The following PRDM16 variants were observed in gnomAD, a reference collection of about 807,000 sequenced individuals.
The protein encoded by PRDM16 is histone-lysine N-methyltransferase PRDM16.
PRDM16 carries 23 observed loss-of-function variants against 110.6 expected under a neutral mutation model. That is an observed-to-expected ratio of 0.21 (90% confidence interval 0.15 to 0.29). The LOEUF (loss-of-function observed/expected upper bound fraction) is 0.29, where lower values mean the gene tolerates loss of function less well. Ranked by LOEUF, PRDM16 falls within the 10% of genes least tolerant of loss-of-function variation. The pLI is 1.00. For missense variants in PRDM16, 1,615 were observed against 1,794.3 expected, an observed-to-expected ratio of 0.90 and a Z score of 1.81; for synonymous variants, 799 against 781.8, an observed-to-expected ratio of 1.02 and a Z score of -0.37.
At chr1:3,136,673 G>T (rs905482398) in intron 1 of PRDM16, among the ~76,000 whole-genome samples, 7 of 152,094 alleles carry the variant, frequency 4.6e-5, no homozygotes, top group African/African-American at 1.4e-4. Flanking sequence ...ACAGAGGAGT[G>T]GGCTTATCAG....
intron 1 of PRDM16, among the ~76,000 whole-genome samples, chr1:3,083,441 T>C (rs1642075798): frequency 6.6e-6 from 1 of 152,236 alleles, no homozygotes; most frequent in Non-Finnish European, 1.5e-5. Flanking sequence ...GAAGCTGTGC[T>C]GCGTTTATGG....
chr1:3,222,520 G>T (rs1041265355), intron 2 of PRDM16, among the ~76,000 whole-genome samples: 3 of 152,222 alleles, frequency 2.0e-5, no homozygotes, highest in Non-Finnish European at 4.4e-5. Context: ...TCAGGAGGTG[G>T]AACCTGCGGG....
chr1:3,406,715 C>G (rs1161813266), intron 8 of PRDM16, among the ~76,000 whole-genome samples: 2 of 152,110 alleles, frequency 1.3e-5, no homozygotes, highest in African/African-American at 4.8e-5. Flanking sequence ...TGCACTCCAG[C>G]CTGGGCAACA....
rs146627428 is a variant in PRDM16, at chr1:3,119,542, G to A, written c.37+50246G>A. 4.3e-3 allele frequency among the ~76,000 whole-genome samples: 659 copies of A among 152,280 alleles called. 2 individuals carry two copies. Among genetic ancestry groups the A allele is most frequent in the African/African-American group, 0.014 (590 of 41,556 alleles). ...GGGATGGGGACTTGGGTGCTGTCCC[G>A]TGCCTGGCATCCAGGGCAGGGGGTG... is the stretch of plus-strand genomic sequence containing the variant. On this transcript the variant is annotated intron_variant, in intron 1 of 16. Transcript: ENST00000270722.
At chr1:3,166,697 G>C (rs906446686) in intron 1 of PRDM16, among the ~76,000 whole-genome samples, 1 of 152,204 alleles carries the variant, frequency 6.6e-6, no homozygotes, top group African/African-American at 2.4e-5. Flanking sequence ...CAGGGATGAC[G>C]GCTGGAAAGG....
intron 3 of PRDM16, among the ~76,000 whole-genome samples, chr1:3,355,978 C>T (rs1642588684): frequency 6.6e-6 from 1 of 152,138 alleles, no homozygotes; most frequent in African/African-American, 2.4e-5. Context: ...CTCCTCTGGG[C>T]ACATCCTGAT....
intron 3 of PRDM16, among the ~76,000 whole-genome samples, chr1:3,280,449 C>G (rs1450347971): frequency 2.6e-5 from 4 of 152,214 alleles, no homozygotes; most frequent in Admixed American, 2.6e-4. Flanking sequence ...TGAGTCCCCC[C>G]ACCCTTACTG....
intron 3 of PRDM16, among the ~76,000 whole-genome samples, chr1:3,264,365 G>A (rs148390799): frequency 0.023 from 3,374 of 146,966 alleles, 56 homozygotes; most frequent in Middle Eastern, 0.038. Flanking sequence ...AGGGGCATCC[G>A]AGGACCCTGG....
chr1:3,437,133 CTGGGGTGTGG>C lies in PRDM16; in HGVS notation c.*3323_*3332del, dbSNP rs1638929684. 1 of 231,812 alleles carries C rather than the reference CTGGGGTGTGG, an allele frequency of 4.3e-6. No individual in the cohort carries two copies. The highest frequency in any genetic ancestry group is 8.5e-6 in the Non-Finnish European group (1 of 117,248). The allele number at this position is 231,812 out of a possible 1,614,324, so 14.4% of individuals were successfully genotyped here. On this transcript the variant is annotated 3_prime_UTR_variant, in exon 17 of 17. Coordinates refer to ENST00000270722, the MANE Select transcript of PRDM16 (RefSeq NM_022114.4). ...GAGCCCCTGCACCCTGCCTGGGGCC[CTGGGGTGTGG>C]AGCAGTGGCTGGGGTGGGCGTGGTG...
chr1:3,380,500 G>A (rs1643083585), intron 3 of PRDM16, among the ~76,000 whole-genome samples: 1 of 152,118 alleles, frequency 6.6e-6, no homozygotes, highest in South Asian at 2.1e-4. Flanking sequence ...CCACCCGCAG[G>A]GCAGCAAAGC....
chr1:3,094,418 G>A (rs78021538), intron 1 of PRDM16, among the ~76,000 whole-genome samples: 3,451 of 152,322 alleles, frequency 0.023, 74 homozygotes, highest in South Asian at 0.096. Context: ...CTGGCCCGTG[G>A]CCCCAGCCCG....
intron 2 of PRDM16, among the ~76,000 whole-genome samples, chr1:3,215,427 T>TCCCGGGGACAGGCAAGGCCCACA (rs1557534859): frequency 1.2e-5 from 1 of 80,434 alleles, no homozygotes; most frequent in African/African-American, 1.2e-4. Context: ...CAAGGCCTAT[T>TCCCGGGGACAGGCAAGGCCCACA]GGGGTCCAGG....
intron 2 of PRDM16, among the ~76,000 whole-genome samples, chr1:3,197,709 T>C (rs925703569): frequency 6.6e-5 from 10 of 152,184 alleles, no homozygotes; most frequent in Non-Finnish European, 1.2e-4. Context: ...CGGCCCCTCC[T>C]GAGGGTGGGC....
intron 12 of PRDM16, among the ~76,000 whole-genome samples, chr1:3,419,874 A>T (rs1453222457): frequency 6.6e-6 from 1 of 151,480 alleles, no homozygotes; most frequent in African/African-American, 2.4e-5. Flanking sequence ...AGCTTATACC[A>T]CTTACGGGTC....
intron 2 of PRDM16, among the ~76,000 whole-genome samples, chr1:3,192,489 G>A (rs1353443568): frequency 2.0e-5 from 3 of 152,196 alleles, no homozygotes; most frequent in Non-Finnish European, 4.4e-5. Flanking sequence ...CTCTTCATGA[G>A]GGATGTGGGT....
intron 3 of PRDM16, among the ~76,000 whole-genome samples, chr1:3,324,394 GC>G (rs1384284667): frequency 6.6e-6 from 1 of 152,140 alleles, no homozygotes; most frequent in Non-Finnish European, 1.5e-5. Context: ...AAACCCTATA[GC>G]CACTCCCAGA....
At chr1:3,279,672 T>A (rs1412947689) in intron 3 of PRDM16, among the ~76,000 whole-genome samples, 3 of 152,172 alleles carry the variant, frequency 2.0e-5, no homozygotes, top group Non-Finnish European at 2.9e-5. Flanking sequence ...GAGTCTGTGC[T>A]GCAGGAGGGC....
At chr1:3,251,976 C>T (rs955838658) in intron 3 of PRDM16, among the ~76,000 whole-genome samples, 1 of 152,196 alleles carries the variant, frequency 6.6e-6, no homozygotes, top group African/African-American at 2.4e-5. Context: ...CGCCGCCTCC[C>T]TCCTAAGATA....
At chr1:3,342,669 C>A (rs189165767) in intron 3 of PRDM16, among the ~76,000 whole-genome samples, 76 of 152,194 alleles carry the variant, frequency 5.0e-4, no homozygotes, top group African/African-American at 1.6e-3. Flanking sequence ...AATGGCCAGC[C>A]GCTGTTCTGA....
Sources: gnomAD v4.1 joint callset for allele counts (sites outside exome capture counted in the v4.1 genomes callset) on GRCh38, gnomAD v4.1.1 for gene constraint, MANE v1.5 for transcripts, NCBI Gene and HGNC (gene_info 2026-07-23, HGNC 2026-07-21) for gene names.